CNTNAP2: variants seen among roughly 807,000 people sequenced by gnomAD.
CNTNAP2 encodes the protein contactin-associated protein-like 2.
A neutral mutation model predicts 155.2 loss-of-function variants in CNTNAP2; 98 were observed. The observed-to-expected ratio is 0.63, with a 90% CI of 0.54 to 0.75. The LOEUF is 0.75. Among genes scored for constraint, CNTNAP2 ranks in the 30% least tolerant of loss-of-function variants. The pLI, the probability that CNTNAP2 is intolerant of heterozygous loss-of-function variation, is 0.00. For missense variants in CNTNAP2, 1,727 were observed against 1,688.1 expected, an observed-to-expected ratio of 1.02 and a Z score of -0.40; for synonymous variants, 651 against 631.2, an observed-to-expected ratio of 1.03 and a Z score of -0.47.
chr7:146,808,864 C>T (rs1803014579), intron 2 of CNTNAP2, among the ~76,000 whole-genome samples: 1 of 152,260 alleles, frequency 6.6e-6, no homozygotes, highest in Non-Finnish European at 1.5e-5. Context: ...CACGTTGTCA[C>T]GAATGACAGA....
At position 148,118,249 on chromosome 7, in the gene CNTNAP2, A is replaced by C; in HGVS notation, c.2515A>C (p.Asn839His). ...TLTPWGVFLE[N>H]MGKEDFIKLE... ...AACCCCCTGGGGAGTGTTTCTTGAA[A>C]ATATGGGAAAGGAAGATTTCATCAA... The change falls in exon 16 of 24, where the codon AAT becomes CAT. Residue 839 changes from asparagine to histidine, a missense_variant. Asn to His is a moderately conservative substitution (Grantham distance 68). Coordinates refer to ENST00000361727, the MANE Select transcript of CNTNAP2 (RefSeq NM_014141.6). 6.2e-7 allele frequency: 1 copy of C among 1,614,182 alleles called. No individual in the cohort carries two copies. Among genetic ancestry groups the C allele is most frequent in the Non-Finnish European group, 8.5e-7 (1 of 1,180,024 alleles).
At chr7:146,964,616 G>A (rs1421661735) in intron 3 of CNTNAP2, among the ~76,000 whole-genome samples, 3 of 152,296 alleles carry the variant, frequency 2.0e-5, no homozygotes, top group African/African-American at 4.8e-5. Flanking sequence ...TGTAGAAATG[G>A]TTTTCCATGA....
chr7:147,837,192 C>G (rs1798648700), intron 13 of CNTNAP2, among the ~76,000 whole-genome samples: 1 of 152,162 alleles, frequency 6.6e-6, no homozygotes, highest in Admixed American at 6.5e-5. Context: ...ACTCACAGTT[C>G]CATGTTGCTG....
At chr7:147,317,796 G>GTATATA (rs747483520) in intron 9 of CNTNAP2, among the ~76,000 whole-genome samples, 2 of 97,170 alleles carry the variant, frequency 2.1e-5, no homozygotes, top group African/African-American at 7.7e-5. Context: ...GTGTGTGTGT[G>GTATATA]TGTATATGTA....
At chr7:147,631,574 A>T (rs1192354242) in intron 12 of CNTNAP2, among the ~76,000 whole-genome samples, 1 of 152,152 alleles carries the variant, frequency 6.6e-6, no homozygotes, top group African/African-American at 2.4e-5. Flanking sequence ...TACCCTAATT[A>T]AAACTATTCT....
At chr7:148,070,195 G>T (rs1456202108) in intron 15 of CNTNAP2, among the ~76,000 whole-genome samples, 1 of 152,132 alleles carries the variant, frequency 6.6e-6, no homozygotes, top group Non-Finnish European at 1.5e-5. Context: ...CTGAGATGAA[G>T]ATATTAAATG....
In CNTNAP2 at chr7:146,324,777, T is replaced by TTATA. The variant is rs149639520; in HGVS notation, c.97+207816_97+207819dup. 1.7e-3 allele frequency among the ~76,000 whole-genome samples: 260 copies of TTATA among 150,546 alleles called. 2 individuals are homozygous for TTATA. The highest frequency in any genetic ancestry group is 6.0e-3 in the African/African-American group (245 of 40,946). On this transcript the variant is annotated intron_variant, in intron 1 of 23. Coordinates refer to ENST00000361727, the MANE Select transcript of CNTNAP2 (RefSeq NM_014141.6). Reference sequence around the variant, plus strand: ...GGCTACAAAAATATTGGAAGAGTAATTATATATATATATATGTGCTGATAT... The same window carrying TTATA: ...GGCTACAAAAATATTGGAAGAGTAATTATATATATATATATATATGTGCTGATAT...
At chr7:147,514,155 A>G (rs1361325199) in intron 11 of CNTNAP2, among the ~76,000 whole-genome samples, 1 of 152,234 alleles carries the variant, frequency 6.6e-6, no homozygotes, top group South Asian at 2.1e-4. Flanking sequence ...CTTTGCTACT[A>G]TATCCCCATA....
chr7:146,520,073 T>C (rs796801243), intron 1 of CNTNAP2, among the ~76,000 whole-genome samples: 24 of 151,674 alleles, frequency 1.6e-4, no homozygotes, highest in African/African-American at 5.5e-4. Flanking sequence ...CTTTCCCCAA[T>C]AATTAGCCTT....
At position 148,013,059 on chromosome 7, in the gene CNTNAP2, C is replaced by G. The variant is rs1802108739; in HGVS notation, c.2383+35070C>G. ...CCAGTTAAATGAACAAGGAGTTGATCATCTGGGGGTGTTCACAGTGCTGAA... is the reference window on the plus strand; with the variant it reads ...CCAGTTAAATGAACAAGGAGTTGATGATCTGGGGGTGTTCACAGTGCTGAA... On this transcript the variant is annotated intron_variant, in intron 15 of 23. Coordinates refer to ENST00000361727, the MANE Select transcript of CNTNAP2 (RefSeq NM_014141.6). 3 of 152,174 alleles carry G rather than the reference C, an allele frequency of 2.0e-5. No individual in the cohort carries two copies. In the South Asian group the frequency reaches 6.2e-4, roughly 32 times the overall value. 9.4% of individuals were successfully genotyped at this position (152,174 alleles called of 1,614,324 possible).
intron 8 of CNTNAP2, among the ~76,000 whole-genome samples, chr7:147,287,383 C>A (rs1202681199): frequency 6.6e-6 from 1 of 152,020 alleles, no homozygotes; most frequent in Non-Finnish European, 1.5e-5. Context: ...TCTTGCTAAA[C>A]TGACTTAGCA....
intron 3 of CNTNAP2, among the ~76,000 whole-genome samples, chr7:146,926,363 G>C (rs1916936): frequency 0.33 from 49,423 of 151,888 alleles, 8,460 homozygotes; most frequent in Non-Finnish European, 0.36. Context: ...TTAGCTGTCA[G>C]TACTTTGTGT....
At chr7:146,684,292 G>A (rs1252113325) in intron 1 of CNTNAP2, among the ~76,000 whole-genome samples, 3 of 152,080 alleles carry the variant, frequency 2.0e-5, no homozygotes, top group Non-Finnish European at 2.9e-5. Context: ...CAGGGCAAAG[G>A]CAACTTTAAG....
At chr7:147,499,616 G>A (rs1419718463) in intron 11 of CNTNAP2, among the ~76,000 whole-genome samples, 1 of 152,140 alleles carries the variant, frequency 6.6e-6, no homozygotes, top group Non-Finnish European at 1.5e-5. Flanking sequence ...TCTTACACAG[G>A]TCTGCAACCA....
At chr7:147,670,143 A>G (rs933967193) in intron 13 of CNTNAP2, among the ~76,000 whole-genome samples, 1 of 152,208 alleles carries the variant, frequency 6.6e-6, no homozygotes, top group Non-Finnish European at 1.5e-5. Flanking sequence ...TATACAGAGA[A>G]AAGCTCTGAA....
chr7:148,156,470 C>G (rs1326173778), intron 17 of CNTNAP2, among the ~76,000 whole-genome samples: 1 of 152,056 alleles, frequency 6.6e-6, no homozygotes, highest in Non-Finnish European at 1.5e-5. Context: ...CCTGCATTCC[C>G]TCCTTCCTCC....
chr7:148,261,946 A>C (rs1040545100), intron 20 of CNTNAP2, among the ~76,000 whole-genome samples: 6 of 152,178 alleles, frequency 3.9e-5, no homozygotes, highest in Admixed American at 3.9e-4. Context: ...AGAAAGCTTG[A>C]CATTGTGCTC....
chr7:146,886,708 A>G (rs1419797261), intron 3 of CNTNAP2, among the ~76,000 whole-genome samples: 2 of 150,258 alleles, frequency 1.3e-5, no homozygotes, highest in African/African-American at 4.9e-5. Context: ...TCATCAGGAA[A>G]TTTTCATACC....
Position 146,728,625 on chromosome 7 carries a change from A to C in CNTNAP2, c.98-45646A>C, listed in dbSNP as rs1219663616. On this transcript the variant is annotated intron_variant, in intron 1 of 23. Coordinates refer to ENST00000361727, the MANE Select transcript of CNTNAP2 (RefSeq NM_014141.6). The stretch of plus-strand genomic sequence containing the variant: ...TTTTTAGGCTGCAAAAAAAAAAAAA[A>C]CGAAACAACAGCCTTTGTCCTAATT... 6.7e-5 allele frequency among the ~76,000 whole-genome samples: 10 copies of C among 149,536 alleles called. No individual in the cohort carries two copies. In the East Asian group the frequency reaches 1.9e-3, roughly 29 times the overall value.
Sources: gnomAD v4.1 joint callset for allele counts (sites outside exome capture counted in the v4.1 genomes callset) on GRCh38, gnomAD v4.1.1 for gene constraint, MANE v1.5 for transcripts, NCBI Gene and HGNC (gene_info 2026-07-23, HGNC 2026-07-21) for gene names.